LRRTM4: variants seen among roughly 807,000 people sequenced by gnomAD.
LRRTM4 encodes the protein leucine rich repeat transmembrane neuronal 4, also known as leucine-rich repeat transmembrane neuronal protein 4.
LRRTM4 carries 25 observed loss-of-function variants against 47.6 expected under a neutral mutation model. That is an observed-to-expected ratio of 0.53 (90% confidence interval 0.38 to 0.73). The LOEUF (loss-of-function observed/expected upper bound fraction) is 0.73, where lower values mean the gene tolerates loss of function less well. LRRTM4 is among the 30% of genes least tolerant of loss of function. The pLI, the probability that LRRTM4 is intolerant of heterozygous loss-of-function variation, is 0.00. For synonymous variants in LRRTM4, 311 were observed against 269.5 expected, an observed-to-expected ratio of 1.15 and a Z score of -1.51; for missense variants, 638 against 713.4, an observed-to-expected ratio of 0.89 and a Z score of 1.20.
chr2:77,040,403 A>C (rs1678986916), intron 3 of LRRTM4, among the ~76,000 whole-genome samples: 1 of 151,416 alleles, frequency 6.6e-6, no homozygotes, highest in Non-Finnish European at 1.5e-5. Context: ...AGCTTGAATA[A>C]GGTCATATCA....
chr2:77,441,040 G>T (rs181616531), intron 3 of LRRTM4, among the ~76,000 whole-genome samples: 11 of 152,282 alleles, frequency 7.2e-5, no homozygotes, highest in Admixed American at 6.5e-4. Context: ...TGCTGAAATA[G>T]TCTGCCAAAA....
At chr2:77,430,186 T>C (rs913122605) in intron 3 of LRRTM4, among the ~76,000 whole-genome samples, 7 of 152,198 alleles carry the variant, frequency 4.6e-5, no homozygotes, top group Admixed American at 3.9e-4. Context: ...TGTGAGGTGA[T>C]GCATATGTTA....
chr2:77,232,084 C>A (rs566754253), intron 3 of LRRTM4, among the ~76,000 whole-genome samples: 7 of 152,090 alleles, frequency 4.6e-5, no homozygotes, highest in Non-Finnish European at 8.8e-5. Flanking sequence ...TCCACATCAA[C>A]TTCTTGTATC....
chr2:76,759,476 C>T (rs1024400005), intron 3 of LRRTM4, among the ~76,000 whole-genome samples: 7 of 152,190 alleles, frequency 4.6e-5, no homozygotes, highest in Non-Finnish European at 8.8e-5. Flanking sequence ...CTTTTAGAGA[C>T]GATCTTACAG....
intron 3 of LRRTM4, among the ~76,000 whole-genome samples, chr2:77,257,384 G>A (rs1675800106): frequency 6.6e-6 from 1 of 151,412 alleles, no homozygotes; most frequent in Admixed American, 6.6e-5. Flanking sequence ...TATAAAAATT[G>A]CATTTTAATA....
In LRRTM4 at chr2:77,443,305, T is replaced by G. The variant is rs142427865; in HGVS notation, c.1551+75013A>C. 2.3e-3 allele frequency among the ~76,000 whole-genome samples: 349 copies of G among 152,288 alleles called. 2 individuals carry two copies. Among genetic ancestry groups the G allele is most frequent in the African/African-American group, 8.2e-3 (339 of 41,574 alleles). On this transcript the variant is annotated intron_variant, in intron 3 of 3. Coordinates refer to ENST00000409884, the MANE Select transcript of LRRTM4 (RefSeq NM_001134745.3). ...ACTTGCAGCAATGAGTCACAGGGAT[T>G]GGAAGGATGTCAGATCGGATGCATA...
intron 3 of LRRTM4, among the ~76,000 whole-genome samples, chr2:77,409,754 C>T (rs1385884064): frequency 6.6e-6 from 1 of 152,092 alleles, no homozygotes; most frequent in Non-Finnish European, 1.5e-5. Context: ...GTTTTACTGG[C>T]CTTAAGTTGA....
In LRRTM4 at chr2:77,345,752, A is replaced by G. The variant is rs574802742; in HGVS notation, c.1551+172566T>C. 2.0e-5 allele frequency among the ~76,000 whole-genome samples: 3 copies of G among 151,946 alleles called. No individual in the cohort carries two copies. In the South Asian group the frequency reaches 6.2e-4, roughly 32 times the overall value. ...GAAAACCATTTGGAAGTTTTTTTTA[A>G]AGTTAAATATACATTCACCATATGA... On this transcript the variant is annotated intron_variant, in intron 3 of 3. Transcript: ENST00000409884.
At chr2:76,782,721 A>C (rs185954927) in intron 3 of LRRTM4, among the ~76,000 whole-genome samples, 4 of 152,132 alleles carry the variant, frequency 2.6e-5, no homozygotes, top group African/African-American at 7.2e-5. Context: ...AATCGTCACA[A>C]ATCTCCAATT....
chr2:76,845,797 A>T (rs1164202452), intron 3 of LRRTM4, among the ~76,000 whole-genome samples: 2 of 152,092 alleles, frequency 1.3e-5, no homozygotes, highest in African/African-American at 4.8e-5. Flanking sequence ...GGTAAGGAAT[A>T]GGGAGAGGGT....
At chr2:77,274,602 T>C (rs1305918329) in intron 3 of LRRTM4, among the ~76,000 whole-genome samples, 1 of 152,178 alleles carries the variant, frequency 6.6e-6, no homozygotes, top group African/African-American at 2.4e-5. Context: ...TGAGAATGTG[T>C]CAAAAGGTTT....
chr2:76,986,710 A>C (rs1176290254), intron 3 of LRRTM4, among the ~76,000 whole-genome samples: 1 of 151,956 alleles, frequency 6.6e-6, no homozygotes, highest in African/African-American at 2.4e-5. Context: ...CTGAGCCGAG[A>C]GACAGAAAAT....
chr2:76,917,469 C>T (rs1455270248), intron 3 of LRRTM4, among the ~76,000 whole-genome samples: 4 of 152,128 alleles, frequency 2.6e-5, no homozygotes, highest in South Asian at 4.1e-4. Context: ...CAGAATCACA[C>T]CAAACTGTTG....
chr2:76,810,297 A>C (rs1670696253), intron 3 of LRRTM4, among the ~76,000 whole-genome samples: 1 of 152,190 alleles, frequency 6.6e-6, no homozygotes, highest in Non-Finnish European at 1.5e-5. Flanking sequence ...ATTATTTTTA[A>C]AATTTGAACA....
chr2:77,359,634 G>A (rs1034265652), intron 3 of LRRTM4, among the ~76,000 whole-genome samples: 4 of 152,162 alleles, frequency 2.6e-5, no homozygotes, highest in African/African-American at 7.2e-5. Context: ...TAACAGCAAT[G>A]TTGCACAGTA....
chr2:77,225,396 G>A (rs1674777099), intron 3 of LRRTM4, among the ~76,000 whole-genome samples: 1 of 149,700 alleles, frequency 6.7e-6, no homozygotes, highest in African/African-American at 2.5e-5. Context: ...CCCATAACTA[G>A]TGTATGCGGA....
chr2:76,799,630 G>T lies in LRRTM4; in HGVS notation c.1552-50714C>A, dbSNP rs917373173. ...AATTAGGCAGGAGAAGGAAATAAAG[G>T]GTATTCAATTAGGAAAAGAGGAAGT... On this transcript the variant is annotated intron_variant, in intron 3 of 3. Coordinates refer to ENST00000409884, the MANE Select transcript of LRRTM4 (RefSeq NM_001134745.3). Among the ~76,000 whole-genome samples, 32 of 136,368 alleles carry T rather than the reference G, an allele frequency of 2.3e-4. 1 individual carries two copies. Among genetic ancestry groups the T allele is most frequent in the Non-Finnish European group, 4.5e-4 (29 of 64,010 alleles). 89.5% of individuals were successfully genotyped at this position (136,368 alleles called of 152,430 possible). A position where few individuals can be genotyped will look rare whatever the true frequency, so the allele number is the denominator to read the frequency against.
At chr2:77,367,040 C>A (rs1672485918) in intron 3 of LRRTM4, among the ~76,000 whole-genome samples, 1 of 151,852 alleles carries the variant, frequency 6.6e-6, no homozygotes, top group Non-Finnish European at 1.5e-5. Context: ...AATTCCCTTT[C>A]CATTTAATGC....
chr2:76,806,900 A>C (rs944787405), intron 3 of LRRTM4, among the ~76,000 whole-genome samples: 1 of 152,206 alleles, frequency 6.6e-6, no homozygotes, highest in African/African-American at 2.4e-5. Context: ...TGAATTTCAT[A>C]AATAAAAAAA....
Sources: gnomAD v4.1 joint callset for allele counts (sites outside exome capture counted in the v4.1 genomes callset) on GRCh38, gnomAD v4.1.1 for gene constraint, MANE v1.5 for transcripts, NCBI Gene and HGNC (gene_info 2026-07-23, HGNC 2026-07-21) for gene names.